The following PTPRN2 variants were observed in gnomAD, a reference collection of about 807,000 sequenced individuals.
PTPRN2 encodes receptor-type tyrosine-protein phosphatase N2.
In PTPRN2, 74 loss-of-function variants were observed where a neutral mutation model predicts 118.8. That is an observed-to-expected ratio of 0.62 (90% CI 0.52 to 0.76). The LOEUF is 0.76. Among genes scored for constraint, PTPRN2 ranks in the 30% least tolerant of loss-of-function variants. The probability of loss-of-function intolerance (pLI) is 0.00; values close to 1 mark genes in which losing one functional copy is unlikely to be tolerated. For missense variants in PTPRN2, 1,481 were observed against 1,394.4 expected (o/e 1.06, Z -0.99); for synonymous variants, 641 against 608.0 (o/e 1.05, Z -0.80).
At chr7:158,257,347 G>C (rs1160220781) in intron 3 of PTPRN2, among the ~76,000 whole-genome samples, 1 of 152,194 alleles carries the variant, frequency 6.6e-6, no homozygotes, top group Non-Finnish European at 1.5e-5. Context: ...CAAATGTTCA[G>C]AGAGTCTACA....
intron 4 of PTPRN2, among the ~76,000 whole-genome samples, chr7:158,196,503 G>A (rs1394945249): frequency 6.6e-6 from 1 of 152,218 alleles, no homozygotes; most frequent in Non-Finnish European, 1.5e-5. Context: ...GAGGAGGGGT[G>A]AGGGCTCCTG....
At chr7:157,994,603 C>A (rs1585162230) in intron 11 of PTPRN2, among the ~76,000 whole-genome samples, 1 of 144,912 alleles carries the variant, frequency 6.9e-6, no homozygotes, top group Admixed American at 7.0e-5. Flanking sequence ...AATGCCGCGT[C>A]CCCAGCTTAC....
chr7:158,064,953 G>A (rs149471686), intron 11 of PTPRN2, among the ~76,000 whole-genome samples: 4 of 152,328 alleles, frequency 2.6e-5, no homozygotes, highest in East Asian at 1.9e-4. Context: ...TGCAGGCAGC[G>A]CAGGCATAAA....
chr7:157,876,182 G>A (rs1200485367), intron 12 of PTPRN2, among the ~76,000 whole-genome samples: 2 of 152,238 alleles, frequency 1.3e-5, no homozygotes, highest in Admixed American at 1.3e-4. Flanking sequence ...ACCATGGACT[G>A]GGTGCCCGAG....
At chr7:157,582,507 T>C (rs988367385) in intron 17 of PTPRN2, among the ~76,000 whole-genome samples, 3 of 151,512 alleles carry the variant, frequency 2.0e-5, no homozygotes. Flanking sequence ...ATGGCAAGTG[T>C]TGGAGAGGAT....
At chr7:158,062,880 G>A (rs1349056327) in intron 11 of PTPRN2, among the ~76,000 whole-genome samples, 3 of 152,214 alleles carry the variant, frequency 2.0e-5, no homozygotes, top group African/African-American at 7.2e-5. Flanking sequence ...TGTGCGGCCT[G>A]AGCCTCCCCG....
intron 2 of PTPRN2, among the ~76,000 whole-genome samples, chr7:158,449,822 G>A (rs896794115): frequency 7.9e-5 from 12 of 152,204 alleles, no homozygotes; most frequent in Admixed American, 7.2e-4. Context: ...CTGGCAAACA[G>A]GAACACTAAA....
intron 11 of PTPRN2, among the ~76,000 whole-genome samples, chr7:158,012,662 C>T (rs1563327146): frequency 6.6e-6 from 1 of 152,204 alleles, no homozygotes; most frequent in Non-Finnish European, 1.5e-5. Flanking sequence ...TATGGGGACT[C>T]ATCCATGAAG....
chr7:157,740,722 G>C (rs892649347), intron 12 of PTPRN2, among the ~76,000 whole-genome samples: 3 of 152,202 alleles, frequency 2.0e-5, no homozygotes, highest in Non-Finnish European at 4.4e-5. Flanking sequence ...TAATGAGAGG[G>C]TGGAGAATCC....
At chr7:158,146,034 T>A (rs775591274) in intron 6 of PTPRN2, among the ~76,000 whole-genome samples, 1 of 150,420 alleles carries the variant, frequency 6.6e-6, no homozygotes, top group Non-Finnish European at 1.5e-5. Context: ...AAGGAGAGGA[T>A]GAGAAATCAT....
intron 1 of PTPRN2, among the ~76,000 whole-genome samples, chr7:158,578,690 C>T (rs1185286950): frequency 6.6e-6 from 1 of 151,908 alleles, no homozygotes; most frequent in Non-Finnish European, 1.5e-5. Context: ...ACCCTTGGCT[C>T]CTTCCTCCCT....
chr7:158,270,975 ACCCCC>A (rs1798434968), intron 3 of PTPRN2, among the ~76,000 whole-genome samples: 1 of 12,382 alleles, frequency 8.1e-5, no homozygotes, highest in Non-Finnish European at 1.4e-4. Context: ...CACCTGGACC[ACCCCC>A]TCCACCTGGG....
chr7:157,567,390 G>A (rs2150506597), intron 21 of PTPRN2, among the ~76,000 whole-genome samples: 1 of 152,356 alleles, frequency 6.6e-6, no homozygotes, highest in East Asian at 1.9e-4. Flanking sequence ...AGCCAGCAAA[G>A]GATGCTGGCG....
intron 3 of PTPRN2, among the ~76,000 whole-genome samples, chr7:158,250,433 A>C (rs529983009): frequency 6.6e-6 from 1 of 152,292 alleles, no homozygotes; most frequent in East Asian, 1.9e-4. Flanking sequence ...TGCACAGAAC[A>C]GCAAAAGGGA....
chr7:158,366,560 C>T (rs926098276), intron 2 of PTPRN2, among the ~76,000 whole-genome samples: 4 of 152,248 alleles, frequency 2.6e-5, no homozygotes, highest in Non-Finnish European at 5.9e-5. Context: ...CATGGCAACC[C>T]GGGAACAAGC....
intron 2 of PTPRN2, among the ~76,000 whole-genome samples, chr7:158,396,078 A>T (rs1249015018): frequency 1.3e-5 from 2 of 152,152 alleles, no homozygotes; most frequent in East Asian, 3.9e-4. Flanking sequence ...GGCCTCCCCA[A>T]CCAGAGACCA....
intron 5 of PTPRN2, among the ~76,000 whole-genome samples, chr7:158,171,197 T>G (rs990839533): frequency 8.3e-6 from 1 of 120,464 alleles, no homozygotes; most frequent in Non-Finnish European, 1.8e-5. Context: ...CACATACATA[T>G]ATATACACTA....
At chr7:158,138,224 T>A in intron 7 of PTPRN2, 70 bp downstream of exon 7, 2 of 1,403,410 alleles carry the variant, frequency 1.4e-6, no homozygotes, top group Non-Finnish European at 2.0e-6. Context: ...GCCAGCAGTC[T>A]CTGCACAGCC....
At chr7:157,955,137 C>A (rs1285902697) in intron 11 of PTPRN2, among the ~76,000 whole-genome samples, 1 of 152,144 alleles carries the variant, frequency 6.6e-6, no homozygotes, top group Non-Finnish European at 1.5e-5. Flanking sequence ...CCAGGAGCAG[C>A]ACACACGAAT....
Sources: gnomAD v4.1 joint callset for allele counts (sites outside exome capture counted in the v4.1 genomes callset) on GRCh38, gnomAD v4.1.1 for gene constraint, MANE v1.5 for transcripts, NCBI Gene and HGNC (gene_info 2026-07-23, HGNC 2026-07-21) for gene names.